The following KIT variants were observed in gnomAD, a reference collection of about 807,000 sequenced individuals.
The protein encoded by KIT is mast/stem cell growth factor receptor Kit.
A neutral mutation model predicts 105.7 loss-of-function variants in KIT; 16 were observed. The observed-to-expected ratio is 0.15, with a 90% CI of 0.10 to 0.23. KIT has a LOEUF of 0.23. KIT is among the 10% of genes least tolerant of loss of function. KIT has a pLI of 1.00. For missense variants in KIT, 858 were observed against 1,213.8 expected (o/e 0.71, Z 4.36); for synonymous variants, 438 against 441.1 (o/e 0.99, Z 0.09).
In KIT at chr4:54,728,139, C is replaced by T. The variant is rs2109782445; in HGVS notation, c.1990+18C>T. ...CATTGGAGGTAAAGCCGTGTCCAAG[C>T]TGCCTTTTATTGTCTGTCAGGTTAT... is the stretch of plus-strand genomic sequence containing the variant. On this transcript the variant is annotated intron_variant, in intron 13 of 20. Transcript: ENST00000288135. 6.5e-7 allele frequency: 1 copy of T among 1,547,748 alleles called. No homozygotes were observed. Among genetic ancestry groups the T allele is most frequent in the Non-Finnish European group, 8.9e-7 (1 of 1,119,684 alleles).
intron 4 of KIT, among the ~76,000 whole-genome samples, chr4:54,702,027 G>A (rs1203608891): frequency 6.6e-6 from 1 of 152,144 alleles, no homozygotes; most frequent in Non-Finnish European, 1.5e-5. Context: ...GACTAGTGAT[G>A]CTCTTGACTT....
chr4:54,665,744 T>C (rs1345506464), intron 1 of KIT, among the ~76,000 whole-genome samples: 1 of 152,152 alleles, frequency 6.6e-6, no homozygotes, highest in African/African-American at 2.4e-5. Context: ...TCATTGATTA[T>C]TTGTGAGCTG....
At chr4:54,710,382 T>C (rs1234679514) in intron 7 of KIT, among the ~76,000 whole-genome samples, 3 of 151,978 alleles carry the variant, frequency 2.0e-5, no homozygotes. Flanking sequence ...CTTTCCTGGG[T>C]GTGTGGAGGA....
In KIT at chr4:54,723,615, C is replaced by T. The variant is rs1553891010; in HGVS notation, c.1263C>T (p.Leu421=). 1.2e-6 allele frequency: 2 copies of T among 1,613,958 alleles called. No homozygotes were observed. The highest frequency in any genetic ancestry group is 1.7e-6 in the Non-Finnish European group (2 of 1,179,910). The change falls in exon 8 of 21, where the codon CTC becomes CTT. Residue 421 remains leucine, a synonymous_variant. Coordinates refer to ENST00000288135, the MANE Select transcript of KIT (RefSeq NM_000222.3). The part of the protein sequence containing the change: ...TKPEILTYDR[L]VNGMLQCVAA... ...CAGAAATCCTGACTTACGACAGGCT[C>T]GTGAATGGCATGCTCCAATGTGTGG...
rs1392743695 is a variant in KIT, at chr4:54,723,567, T to A, written c.1232-17T>A. ...TTTCCAGCACTCTGACATATGGCCA[T>A]TTCTGTTTTCCTGTAGCAAAACCAG... On this transcript the variant is annotated splice_polypyrimidine_tract_variant and intron_variant, in intron 7 of 20. Coordinates refer to ENST00000288135, the MANE Select transcript of KIT (RefSeq NM_000222.3). 1 of 1,568,806 alleles carries A rather than the reference T, an allele frequency of 6.4e-7. No individual in the cohort carries two copies. Among genetic ancestry groups the A allele is most frequent in the Non-Finnish European group, 8.8e-7 (1 of 1,138,854 alleles).
At chr4:54,713,489 T>C (rs1202597968) in intron 7 of KIT, among the ~76,000 whole-genome samples, 1 of 152,196 alleles carries the variant, frequency 6.6e-6, no homozygotes, top group Non-Finnish European at 1.5e-5. Flanking sequence ...GTAAATAAGC[T>C]GAGCCTCAAG....
chr4:54,713,658 C>T (rs1721293284), intron 7 of KIT, among the ~76,000 whole-genome samples: 1 of 152,104 alleles, frequency 6.6e-6, no homozygotes. Flanking sequence ...ATTGAAAATC[C>T]TTGATTTGGC....
intron 1 of KIT, among the ~76,000 whole-genome samples, chr4:54,667,654 C>T (rs17084614): frequency 0.038 from 5,835 of 152,170 alleles, 349 homozygotes; most frequent in African/African-American, 0.13. Context: ...TAGAGAGTAG[C>T]GGAAGATGAG....
chr4:54,720,242 A>G (rs577273368), intron 7 of KIT, among the ~76,000 whole-genome samples: 1 of 152,130 alleles, frequency 6.6e-6, no homozygotes, highest in South Asian at 2.1e-4. Context: ...GGCATATTGA[A>G]GATTTAGGAC....
intron 7 of KIT, among the ~76,000 whole-genome samples, chr4:54,711,659 C>T (rs1349566608): frequency 1.6e-5 from 1 of 62,650 alleles, no homozygotes; most frequent in African/African-American, 3.5e-5. Context: ...CGGTGGCTCA[C>T]GCCTGTAATC....
At chr4:54,660,162 T>G (rs896542867) in intron 1 of KIT, among the ~76,000 whole-genome samples, 12 of 152,194 alleles carry the variant, frequency 7.9e-5, no homozygotes, top group African/African-American at 2.9e-4. Flanking sequence ...CCTCTCCTGC[T>G]CACAGGGAAG....
intron 4 of KIT, among the ~76,000 whole-genome samples, chr4:54,701,855 C>T (rs935212661): frequency 1.3e-5 from 2 of 152,200 alleles, no homozygotes; most frequent in Admixed American, 6.5e-5. Context: ...GCTCTTACAT[C>T]TTCTTGACAA....
chr4:54,704,552 C>G (rs1329789284), intron 5 of KIT, among the ~76,000 whole-genome samples: 1 of 152,044 alleles, frequency 6.6e-6, no homozygotes, highest in Non-Finnish European at 1.5e-5. Flanking sequence ...CTTATCTTCT[C>G]TACTCTAGAA....
At chr4:54,711,639 A>C (rs1333873496) in intron 7 of KIT, among the ~76,000 whole-genome samples, 1 of 144,682 alleles carries the variant, frequency 6.9e-6, no homozygotes, top group Non-Finnish European at 1.6e-5. Context: ...TAGTATATAG[A>C]GGCTGGACGC....
chr4:54,739,510 C>T lies in KIT; in HGVS notation c.*953C>T, dbSNP rs942445257. 1 of 233,488 alleles carries T rather than the reference C, an allele frequency of 4.3e-6. No homozygotes were observed. Among genetic ancestry groups the T allele is most frequent in the Non-Finnish European group, 8.5e-6 (1 of 117,886 alleles). The allele number at this position is 233,488 out of a possible 1,614,324, so 14.5% of individuals were successfully genotyped here. A position where few individuals can be genotyped will look rare whatever the true frequency, so the allele number is the denominator to read the frequency against. On this transcript the variant is annotated 3_prime_UTR_variant, in exon 21 of 21. Coordinates refer to ENST00000288135, the MANE Select transcript of KIT (RefSeq NM_000222.3). ...GGCATTGTACTCAATGGATTTGATG[C>T]TGTTTGACAAAGTTACTGATTCACT...
At position 54,662,426 on chromosome 4, in the gene KIT, T is replaced by G. The variant is rs57243617; in HGVS notation, c.67+4345T>G. Among the ~76,000 whole-genome samples the G allele has an allele frequency of 5.1e-4, 78 of 152,346 alleles. 1 individual carries two copies. Among genetic ancestry groups the G allele is most frequent in the African/African-American group, 1.9e-3 (77 of 41,580 alleles). Reference sequence around the variant, plus strand: ...CTGTGCCAGTAAATGTGTTGCTACATGTAAAACTTTTAGAGTGGTGCCTCA... The same window carrying G: ...CTGTGCCAGTAAATGTGTTGCTACAGGTAAAACTTTTAGAGTGGTGCCTCA... On this transcript the variant is annotated intron_variant, in intron 1 of 20. Coordinates refer to ENST00000288135, the MANE Select transcript of KIT (RefSeq NM_000222.3).
chr4:54,725,444 C>A (rs1722154883), intron 8 of KIT, among the ~76,000 whole-genome samples: 1 of 152,120 alleles, frequency 6.6e-6, no homozygotes, highest in Non-Finnish European at 1.5e-5. Flanking sequence ...TATGCTATTT[C>A]TTTTCAACCA....
intron 1 of KIT, among the ~76,000 whole-genome samples, chr4:54,689,014 G>A (rs1374945232): frequency 3.9e-5 from 6 of 152,184 alleles, no homozygotes; most frequent in Non-Finnish European, 8.8e-5. Context: ...CACCCACAAT[G>A]CAGAGTCTGT....
chr4:54,678,408 CT>C (rs1718669769), intron 1 of KIT, among the ~76,000 whole-genome samples: 2 of 125,232 alleles, frequency 1.6e-5, no homozygotes, highest in Admixed American at 7.9e-5. Context: ...CTCCCTGCTC[CT>C]TCACGTTGCC....
Sources: gnomAD v4.1 joint callset for allele counts (sites outside exome capture counted in the v4.1 genomes callset) on GRCh38, gnomAD v4.1.1 for gene constraint, MANE v1.5 for transcripts, NCBI Gene and HGNC (gene_info 2026-07-23, HGNC 2026-07-21) for gene names.